Variants in BAG1 observed in about 807,000 individuals in gnomAD.
The protein encoded by BAG1 is BAG cochaperone 1.
A neutral mutation model predicts 35.5 loss-of-function variants in BAG1; 35 were observed. The ratio of observed to expected loss-of-function variants is 0.99; its 90% CI spans 0.75 to 1.31. The LOEUF is 1.31. BAG1 is among the 50% of genes most tolerant of loss of function. The probability of loss-of-function intolerance (pLI) is 0.00; values close to 1 mark genes in which losing one functional copy is unlikely to be tolerated. For missense variants in BAG1, 464 were observed against 453.6 expected, an observed-to-expected ratio of 1.02 and a Z score of -0.21; for synonymous variants, 191 against 178.9, an observed-to-expected ratio of 1.07 and a Z score of -0.54.
At chr9:33,261,192 C>T (rs777155453) in intron 2 of BAG1, 23 bp from the exon 3 acceptor site, 2 of 1,544,996 alleles carry the variant, frequency 1.3e-6, no homozygotes, top group South Asian at 1.2e-5. Flanking sequence ...GAAAGGTAGG[C>T]CAAGTTGTAA....
intron 1 of BAG1, 28 bp downstream of exon 1, chr9:33,264,196 T>A (rs146691472): frequency 1.9e-6 from 3 of 1,570,292 alleles, no homozygotes; most frequent in South Asian, 2.3e-5. Context: ...GGGACCTGCA[T>A]GGAGCCCACC....
rs147210903 is a variant in BAG1, at chr9:33,258,933, G to C, written c.764C>G (p.Thr255Ser). The change falls in exon 4 of 7, where the codon ACT (threonine) becomes AGT (serine). Residue 255 changes from threonine to serine, a missense_variant. Physicochemically the swap from Thr to Ser is moderately conservative, Grantham distance 58. Transcript: ENST00000634734. ...GAAGAGAGTTACCTGCTGGATTCCA[G>C]TAAGCTCTTTATTCAACTCTTCCAG... 1.2e-6 allele frequency: 2 copies of C among 1,613,688 alleles called. No homozygotes were observed. The highest frequency in any genetic ancestry group is 1.7e-6 in the Non-Finnish European group (2 of 1,179,712).
At position 33,255,931 on chromosome 9, in the gene BAG1, T is replaced by A. The variant is rs369089382; in HGVS notation, c.886-4A>T. ...CTTTGAAATTTTCTGGCAGGATCTA[T>A]GGAAGAGTAAGTTGATAATACAAGT... On this transcript the variant is annotated splice_polypyrimidine_tract_variant and splice_region_variant and intron_variant, in intron 5 of 6. Coordinates refer to ENST00000634734, the MANE Select transcript of BAG1 (RefSeq NM_004323.6). 6.8e-6 allele frequency: 11 copies of A among 1,610,656 alleles called. No individual in the cohort carries two copies. The highest frequency in any genetic ancestry group is 9.3e-6 in the Non-Finnish European group (11 of 1,176,884).
rs1192424726 is a variant in BAG1, at chr9:33,261,163, G to C, written c.587C>G (p.Ser196Cys). ...CAACGGTGTTTCCATTTCCTTCAGAGATTTTCCTAAAAAGAGGAGAAAGGT... is the reference window on the plus strand; with the variant it reads ...CAACGGTGTTTCCATTTCCTTCAGACATTTTCCTAAAAAGAGGAGAAAGGT... The change falls in exon 3 of 7, where the codon TCT becomes TGT. Residue 196 changes from serine (S) to cysteine (C), a missense_variant. Transcript: ENST00000634734. 4.4e-6 allele frequency: 7 copies of C among 1,607,542 alleles called. No individual in the cohort carries two copies. The South Asian group carries it at 6.7e-5, about 15-fold the overall frequency.
At chr9:33,259,097 A>C in intron 3 of BAG1, 64 bp from the exon 4 acceptor site, 27 of 1,351,782 alleles carry the variant, frequency 2.0e-5, no homozygotes, top group Non-Finnish European at 2.3e-5. Flanking sequence ...ATGGTGGCTC[A>C]TGCCTGTAAT....
intron 3 of BAG1, 180 bp from the exon 4 acceptor site, chr9:33,259,213 A>G: frequency 2.1e-6 from 1 of 465,536 alleles, no homozygotes; most frequent in Non-Finnish European, 3.9e-6. Flanking sequence ...AAACAAAAAA[A>G]TTAGCCAGGC....
rs938032667 is a variant in BAG1, at chr9:33,252,656, C to A, written c.*2563G>T. On this transcript the variant is annotated 3_prime_UTR_variant, in exon 7 of 7. Transcript: ENST00000634734. ...AAAGAAGCTCCTTCACCCAAGGAAC[C>A]CTGGTGTTAAAGGCAAAGATTAACC... 6.6e-6 allele frequency: 1 copy of A among 151,514 alleles called. No individual in the cohort carries two copies. Among genetic ancestry groups the A allele is most frequent in the Non-Finnish European group, 1.5e-5 (1 of 67,942 alleles). The allele number at this position is 151,514 out of a possible 1,614,324, so 9.4% of individuals were successfully genotyped here. A position where few individuals can be genotyped will look rare whatever the true frequency, so the allele number is the denominator to read the frequency against.
chr9:33,257,872 T>C (rs1456205988), intron 4 of BAG1: 1 of 152,222 alleles, frequency 6.6e-6, no homozygotes, highest in Non-Finnish European at 1.5e-5. Flanking sequence ...ATGAAAAATA[T>C]ATTTCAGGCT....
At position 33,264,682 on chromosome 9, in the gene BAG1, C is replaced by G. The variant is rs1442513648; in HGVS notation, c.-8G>C. On this transcript the variant is annotated 5_prime_UTR_variant, in exon 1 of 7. Transcript: ENST00000634734. ...CCCCCCGCGCTGAGCCAGGCCCGCACTTGTTGACCGCCCAGCGATGGAAGC... is the reference window on the plus strand; with the variant it reads ...CCCCCCGCGCTGAGCCAGGCCCGCAGTTGTTGACCGCCCAGCGATGGAAGC... The G allele has an allele frequency of 7.4e-7, 1 of 1,359,098 alleles. No homozygotes were observed. Among genetic ancestry groups the G allele is most frequent in the Non-Finnish European group, 9.4e-7 (1 of 1,063,176 alleles). 84.2% of individuals were successfully genotyped at this position (1,359,098 alleles called of 1,614,324 possible).
In BAG1 at chr9:33,262,700, A is replaced by C. The variant is rs2117973880; in HGVS notation, c.580+2T>G. 1 of 1,578,080 alleles carries C rather than the reference A, an allele frequency of 6.3e-7. No homozygotes were observed. The highest frequency in any genetic ancestry group is 2.2e-5 in the East Asian group (1 of 44,628). On this transcript the variant is annotated splice_donor_variant, in intron 2 of 6. Transcript: ENST00000634734. LOFTEE classifies it high-confidence loss of function. ...AAGAAAGAAAGAAAAAGAAATGCTT[A>C]CCCTTAAATATGAGTTTCTGAAAAG...
In BAG1 at chr9:33,252,762, C is replaced by G. The variant is rs964346177; in HGVS notation, c.*2457G>C. 2 of 152,042 alleles carry G rather than the reference C, an allele frequency of 1.3e-5. No homozygotes were observed. Among genetic ancestry groups the G allele is most frequent in the Non-Finnish European group, 2.9e-5 (2 of 68,030 alleles). The allele number at this position is 152,042 out of a possible 1,614,324, so 9.4% of individuals were successfully genotyped here. The stretch of plus-strand genomic sequence containing the variant: ...ATGGGAAGTCGAGAGAGGATCCCAC[C>G]TGGGGGCTGGACAGGGTCTCAACAC... On this transcript the variant is annotated 3_prime_UTR_variant, in exon 7 of 7. Transcript: ENST00000634734.
At position 33,264,662 on chromosome 9, in the gene BAG1, C is replaced by G. The variant is rs990738136; in HGVS notation, c.13G>C (p.Gly5Arg). 4.8e-5 allele frequency: 65 copies of G among 1,346,976 alleles called. No homozygotes were observed. The African/African-American group carries it at 5.2e-4, about 11-fold the overall frequency. The allele number at this position is 1,346,976 out of a possible 1,614,324, so 83.4% of individuals were successfully genotyped here. Residue 5 changes from glycine to arginine, a missense_variant, in exon 1 of 7, where the codon GGG becomes CGG. Physicochemically the swap from Gly to Arg is moderately radical, Grantham distance 125. Transcript: ENST00000634734. ...TCGCCTCGCGGTCTCCGCGCCCCCC[C>G]GCGCTGAGCCAGGCCCGCACTTGTT...
At chr9:33,262,047 A>T in intron 2 of BAG1, 1 of 1,231,252 alleles carries the variant, frequency 8.1e-7, no homozygotes, top group Non-Finnish European at 1.0e-6. Flanking sequence ...ATTTCATAGA[A>T]GTGATGCAAA....
At chr9:33,261,033 T>C (rs1345850978) in intron 3 of BAG1, 54 bp downstream of exon 3, 1 of 1,480,922 alleles carries the variant, frequency 6.8e-7, no homozygotes, top group African/African-American at 1.4e-5. Context: ...GAAACATGTA[T>C]AAAAGACTTC....
rs1321547122 is a variant in BAG1 at position 33,254,867 on chromosome 9, G to A, written c.*352C>T. On this transcript the variant is annotated 3_prime_UTR_variant, in exon 7 of 7. Transcript: ENST00000634734. ...AGAAGCCCTCATGTATCTGAAGACT[G>A]AGGGGGCCTATAAACCTGAAACTGG... 4 of 469,650 alleles carry A rather than the reference G, an allele frequency of 8.5e-6. No individual in the cohort carries two copies. In the Admixed American group the frequency reaches 1.5e-4, roughly 17 times the overall value. The allele number at this position is 469,650 out of a possible 1,614,324, so 29.1% of individuals were successfully genotyped here.
chr9:33,264,649 C>A lies in BAG1; in HGVS notation c.26G>T (p.Arg9Ile). 7.4e-7 allele frequency: 1 copy of A among 1,345,360 alleles called. No individual in the cohort carries two copies. The highest frequency in any genetic ancestry group is 9.5e-7 in the Non-Finnish European group (1 of 1,056,930). 83.3% of individuals were successfully genotyped at this position (1,345,360 alleles called of 1,614,324 possible). Reference sequence around the variant, plus strand: ...CAGCCGCTCCCGGTCGCCTCGCGGTCTCCGCGCCCCCCCGCGCTGAGCCAG... The same window carrying A: ...CAGCCGCTCCCGGTCGCCTCGCGGTATCCGCGCCCCCCCGCGCTGAGCCAG... Residue 9 changes from arginine (R) to isoleucine (I), a missense_variant, in exon 1 of 7, where the codon AGA becomes ATA. Physicochemically the swap from Arg to Ile is moderately conservative, Grantham distance 97. Coordinates refer to ENST00000634734, the MANE Select transcript of BAG1 (RefSeq NM_004323.6).
At chr9:33,263,270 T>C (rs1820617528) in intron 1 of BAG1, among the ~76,000 whole-genome samples, 3 of 152,328 alleles carry the variant, frequency 2.0e-5, no homozygotes, top group Middle Eastern at 6.8e-3. Flanking sequence ...TTCCTGTGGC[T>C]TGACTGCCCT....
chr9:33,256,973 T>C, intron 4 of BAG1, 65 bp from the exon 5 acceptor site: 1 of 1,214,542 alleles, frequency 8.2e-7, no homozygotes, highest in Non-Finnish European at 1.2e-6. Flanking sequence ...CATGCCACAA[T>C]ACTAATGATG....
intron 6 of BAG1, 104 bp downstream of exon 6, chr9:33,255,761 C>A (rs1820439725): frequency 1.6e-6 from 2 of 1,271,652 alleles, no homozygotes; most frequent in Non-Finnish European, 1.1e-6. Context: ...AAAACAAGCC[C>A]ATACCACACA....
Sources: allele counts gnomAD v4.1 joint callset (sites outside exome capture counted in the v4.1 genomes callset), GRCh38; gene constraint gnomAD v4.1.1; transcripts MANE v1.5; gene names NCBI Gene and HGNC (gene_info 2026-07-23, HGNC 2026-07-21).